NRXN3: variants seen among roughly 807,000 people sequenced by gnomAD.
NRXN3 encodes neurexin III.
Under a neutral mutation model 137.6 loss-of-function variants are expected in NRXN3, and 32 were observed. The ratio of observed to expected loss-of-function variants is 0.23; its 90% CI spans 0.18 to 0.31. The LOEUF (loss-of-function observed/expected upper bound fraction) is 0.31, where lower values mean the gene tolerates loss of function less well. NRXN3 is among the 10% of genes least tolerant of loss of function. The pLI is 1.00. For synonymous variants in NRXN3, 798 were observed against 784.5 expected, an observed-to-expected ratio of 1.02 and a Z score of -0.29; for missense variants, 1,574 against 2,062.5, an observed-to-expected ratio of 0.76 and a Z score of 4.59.
chr14:79,020,026 G>A (rs982670021), intron 15 of NRXN3, among the ~76,000 whole-genome samples: 1 of 152,048 alleles, frequency 6.6e-6, no homozygotes, highest in East Asian at 1.9e-4. Context: ...TGATGGTTTG[G>A]TCTTAAGAAA....
At chr14:79,283,183 G>A (rs112235135) in intron 15 of NRXN3, among the ~76,000 whole-genome samples, 16 of 152,182 alleles carry the variant, frequency 1.1e-4, no homozygotes, top group African/African-American at 2.7e-4. Flanking sequence ...ATGATTTACT[G>A]CCAATCTTAT....
At chr14:79,538,951 G>A (rs1366559851) in intron 16 of NRXN3, among the ~76,000 whole-genome samples, 6 of 152,172 alleles carry the variant, frequency 3.9e-5, no homozygotes, top group Non-Finnish European at 7.4e-5. Flanking sequence ...TTTATAAAGT[G>A]ACCCTGTGAA....
At chr14:79,158,796 T>C (rs1170003733) in intron 15 of NRXN3, among the ~76,000 whole-genome samples, 1 of 151,864 alleles carries the variant, frequency 6.6e-6, no homozygotes, top group Admixed American at 6.6e-5. Context: ...CCTGAAAATA[T>C]AACCATACTA....
At chr14:79,829,929 T>A (rs184487601) in intron 20 of NRXN3, among the ~76,000 whole-genome samples, 17 of 152,346 alleles carry the variant, frequency 1.1e-4, no homozygotes, top group Admixed American at 1.1e-3. Context: ...GCTCTACAGC[T>A]TCAAATTCAG....
At chr14:79,494,902 G>A (rs369731592) in intron 16 of NRXN3, among the ~76,000 whole-genome samples, 74 of 152,082 alleles carry the variant, frequency 4.9e-4, no homozygotes, top group African/African-American at 1.5e-3. Context: ...TTATGTAGCT[G>A]TCCTGTCTCC....
At chr14:79,736,743 T>C (rs1237400673) in intron 19 of NRXN3, among the ~76,000 whole-genome samples, 2 of 152,166 alleles carry the variant, frequency 1.3e-5, no homozygotes, top group African/African-American at 4.8e-5. Context: ...ATGAGAAACA[T>C]ATGGCTGTTT....
intron 16 of NRXN3, among the ~76,000 whole-genome samples, chr14:79,566,425 A>G (rs1319414080): frequency 6.6e-6 from 1 of 151,638 alleles, no homozygotes; most frequent in Non-Finnish European, 1.5e-5. Context: ...TTAATACTGA[A>G]TTTTCTTCTT....
intron 4 of NRXN3, among the ~76,000 whole-genome samples, chr14:78,349,589 C>T (rs1416251850): frequency 2.0e-5 from 3 of 152,212 alleles, no homozygotes; most frequent in African/African-American, 7.2e-5. Context: ...CTTTCAATTA[C>T]ATGCGGTCTA....
At chr14:79,388,754 G>A (rs2094735206) in intron 15 of NRXN3, among the ~76,000 whole-genome samples, 1 of 152,124 alleles carries the variant, frequency 6.6e-6, no homozygotes, top group Admixed American at 6.6e-5. Flanking sequence ...GCGGTGAGAT[G>A]GTTTGCCTGG....
At chr14:78,712,994 G>A (rs184995972) in intron 7 of NRXN3, among the ~76,000 whole-genome samples, 19 of 152,302 alleles carry the variant, frequency 1.2e-4, no homozygotes, top group Admixed American at 9.8e-4. Flanking sequence ...TGGATGGCAT[G>A]ACCCATTTAT....
At chr14:79,365,538 T>G in intron 15 of NRXN3, among the ~76,000 whole-genome samples, 1 of 150,692 alleles carries the variant, frequency 6.6e-6, no homozygotes, top group Non-Finnish European at 1.5e-5. Context: ...GCTAACAAGG[T>G]GAAACCCCGT....
At chr14:78,177,310 C>G (rs1219682321) in intron 1 of NRXN3, among the ~76,000 whole-genome samples, 1 of 152,060 alleles carries the variant, frequency 6.6e-6, no homozygotes, top group African/African-American at 2.4e-5. Flanking sequence ...TGTCTCTGTT[C>G]CACTCTAGGG....
chr14:78,836,680 C>A (rs764111537), intron 10 of NRXN3, among the ~76,000 whole-genome samples: 2 of 152,068 alleles, frequency 1.3e-5, no homozygotes, highest in Non-Finnish European at 2.9e-5. Context: ...TTAGTGGGCT[C>A]TAGTATTAGT....
At chr14:79,593,350 G>T (rs1186403949) in intron 16 of NRXN3, among the ~76,000 whole-genome samples, 3 of 152,112 alleles carry the variant, frequency 2.0e-5, no homozygotes, top group African/African-American at 7.2e-5. Flanking sequence ...CCTTGAGAAG[G>T]CCGGGTGTGG....
At chr14:78,309,539 T>C (rs1425495180) in intron 4 of NRXN3, among the ~76,000 whole-genome samples, 1 of 151,990 alleles carries the variant, frequency 6.6e-6, no homozygotes, top group Non-Finnish European at 1.5e-5. Context: ...GCTAATAATA[T>C]TTCAAGAAAA....
intron 4 of NRXN3, among the ~76,000 whole-genome samples, chr14:78,550,868 A>C (rs1362937649): frequency 6.6e-6 from 1 of 152,244 alleles, no homozygotes; most frequent in Non-Finnish European, 1.5e-5. Context: ...TAAGAAATAA[A>C]TGAGATAAGA....
intron 15 of NRXN3, among the ~76,000 whole-genome samples, chr14:79,136,874 A>G (rs1568398656): frequency 6.6e-6 from 1 of 152,226 alleles, no homozygotes; most frequent in East Asian, 1.9e-4. Context: ...AGTCATCCAT[A>G]CTTTTCTGAA....
At chr14:79,615,467 T>C (rs923088407) in intron 16 of NRXN3, among the ~76,000 whole-genome samples, 8 of 152,196 alleles carry the variant, frequency 5.3e-5, no homozygotes, top group African/African-American at 1.7e-4. Flanking sequence ...TCAATTTTGC[T>C]TGTCCTTTTT....
chr14:78,807,679 G>A (rs1349780430), intron 9 of NRXN3, among the ~76,000 whole-genome samples: 1 of 138,926 alleles, frequency 7.2e-6, no homozygotes, highest in Non-Finnish European at 1.6e-5. Flanking sequence ...AGGTTGCAGT[G>A]AGCCGAGATC....
Sources: allele counts gnomAD v4.1 joint callset (sites outside exome capture counted in the v4.1 genomes callset), GRCh38; gene constraint gnomAD v4.1.1; transcripts MANE v1.5; gene names NCBI Gene and HGNC (gene_info 2026-07-23, HGNC 2026-07-21).